THSD7B: variants seen among roughly 807,000 people sequenced by gnomAD.
THSD7B encodes thrombospondin type-1 domain-containing protein 7B.
A neutral mutation model predicts 213.6 loss-of-function variants in THSD7B; 138 were observed. The observed-to-expected ratio is 0.65, with a 90% confidence interval of 0.56 to 0.74. The LOEUF is 0.74. THSD7B is among the 30% of genes least tolerant of loss of function. The pLI, the probability that THSD7B is intolerant of heterozygous loss-of-function variation, is 0.00. For synonymous variants in THSD7B, 742 were observed against 687.0 expected (o/e 1.08, Z -1.25); for missense variants, 1,931 against 1,991.5 (o/e 0.97, Z 0.58).
chr2:137,088,247 TAAAA>T (rs570940668), intron 3 of THSD7B, among the ~76,000 whole-genome samples: 2 of 141,416 alleles, frequency 1.4e-5, no homozygotes, highest in Admixed American at 7.0e-5. Flanking sequence ...CTCAAAAAAA[TAAAA>T]AAAAAATAAA....
At chr2:137,056,146 T>C (rs1687159389) in intron 2 of THSD7B, among the ~76,000 whole-genome samples, 1 of 152,208 alleles carries the variant, frequency 6.6e-6, no homozygotes, top group Non-Finnish European at 1.5e-5. Flanking sequence ...ATTCTACAAG[T>C]CGGTGCTTTT....
chr2:137,115,042 T>C (rs1688419871), intron 4 of THSD7B, 82 bp from the exon 5 acceptor site: 1 of 1,510,454 alleles, frequency 6.6e-7, no homozygotes, highest in African/African-American at 1.4e-5. Flanking sequence ...TTATGCCTCT[T>C]GATGTCATGA....
In THSD7B at chr2:136,772,085, T is replaced by C. The variant is rs577221076; in HGVS notation, c.-36+6398T>C. On this transcript the variant is annotated intron_variant, in intron 1 of 27. Transcript: ENST00000409968. ...AATCTGAGGGACCTCTGGTACCTTGTCTAAGGTGAATGCAACTGGTAAACC... is the reference window on the plus strand; with the variant it reads ...AATCTGAGGGACCTCTGGTACCTTGCCTAAGGTGAATGCAACTGGTAAACC... 1.1e-4 allele frequency among the ~76,000 whole-genome samples: 16 copies of C among 152,226 alleles called. No homozygotes were observed. The East Asian group carries it at 3.1e-3, about 29-fold the overall frequency.
At chr2:136,928,276 G>A (rs886324181) in intron 2 of THSD7B, among the ~76,000 whole-genome samples, 2 of 152,116 alleles carry the variant, frequency 1.3e-5, no homozygotes, top group Admixed American at 6.5e-5. Flanking sequence ...TTCACTGAAC[G>A]CTGTACTAAA....
intron 2 of THSD7B, among the ~76,000 whole-genome samples, chr2:136,998,023 C>G (rs553769946): frequency 6.6e-6 from 1 of 152,042 alleles, no homozygotes; most frequent in African/African-American, 2.4e-5. Flanking sequence ...CACACCGTAG[C>G]AGACAACTGA....
chr2:136,831,018 T>C (rs1164830707), intron 1 of THSD7B, among the ~76,000 whole-genome samples: 4 of 152,106 alleles, frequency 2.6e-5, no homozygotes, highest in African/African-American at 9.7e-5. Context: ...CAACTAGTAA[T>C]TGCTATCAAT....
intron 17 of THSD7B, among the ~76,000 whole-genome samples, chr2:137,590,443 T>A (rs1681838344): frequency 6.6e-6 from 1 of 152,222 alleles, no homozygotes. Context: ...TCTAAACATG[T>A]ACAAGATTGT....
At chr2:137,025,188 C>T in intron 2 of THSD7B, among the ~76,000 whole-genome samples, 1 of 152,136 alleles carries the variant, frequency 6.6e-6, no homozygotes, top group East Asian at 1.9e-4. Flanking sequence ...TCTTTTTTCT[C>T]ACTATGCCTC....
chr2:137,244,293 T>C (rs1236323884), intron 10 of THSD7B, among the ~76,000 whole-genome samples: 1 of 152,154 alleles, frequency 6.6e-6, no homozygotes, highest in Non-Finnish European at 1.5e-5. Flanking sequence ...TTCATGAGAG[T>C]TTAGTACAAT....
chr2:137,049,618 T>C (rs1687032489), intron 2 of THSD7B, among the ~76,000 whole-genome samples: 1 of 152,190 alleles, frequency 6.6e-6, no homozygotes, highest in South Asian at 2.1e-4. Flanking sequence ...TGAGGGTTCA[T>C]TCCTGTGCTA....
chr2:137,040,872 A>G (rs796763610), intron 2 of THSD7B, among the ~76,000 whole-genome samples: 13 of 152,300 alleles, frequency 8.5e-5, no homozygotes, highest in African/African-American at 2.9e-4. Flanking sequence ...GACTTCAATT[A>G]CCCCAAAGTG....
At chr2:137,225,306 CAGTTCCA>C in intron 7 of THSD7B, among the ~76,000 whole-genome samples, 1 of 152,310 alleles carries the variant, frequency 6.6e-6, no homozygotes, top group East Asian at 1.9e-4. Flanking sequence ...TGCCATGATG[CAGTTCCA>C]AAATAATCAA....
chr2:137,393,850 A>C (rs1686106116), intron 12 of THSD7B, among the ~76,000 whole-genome samples: 1 of 141,296 alleles, frequency 7.1e-6, no homozygotes. Context: ...AATGTTTGCC[A>C]TTCTAACTGG....
chr2:137,639,879 CTAGGAAGTAA>C (rs1682905869), intron 20 of THSD7B, among the ~76,000 whole-genome samples: 1 of 152,152 alleles, frequency 6.6e-6, no homozygotes, highest in Admixed American at 6.5e-5. Flanking sequence ...TGTATTGTAT[CTAGGAAGTAA>C]CTAGCTTGCT....
chr2:136,897,783 G>A (rs949164765), intron 2 of THSD7B, among the ~76,000 whole-genome samples: 6 of 150,768 alleles, frequency 4.0e-5, no homozygotes, highest in Non-Finnish European at 7.4e-5. Flanking sequence ...TGATTGGTGC[G>A]CTTTTACAGA....
chr2:137,398,937 T>G (rs1383501558), intron 12 of THSD7B, among the ~76,000 whole-genome samples: 1 of 152,210 alleles, frequency 6.6e-6, no homozygotes, highest in African/African-American at 2.4e-5. Flanking sequence ...CCAGGTGCTG[T>G]CCGTTACCCC....
chr2:137,134,780 C>T (rs1017223462), intron 5 of THSD7B, among the ~76,000 whole-genome samples: 9 of 152,172 alleles, frequency 5.9e-5, no homozygotes, highest in Admixed American at 4.6e-4. Flanking sequence ...ATCCCTTTGC[C>T]TACTTTAGAT....
intron 1 of THSD7B, among the ~76,000 whole-genome samples, chr2:136,804,673 G>A (rs74607418): frequency 0.03 from 4,521 of 152,176 alleles, 158 homozygotes; most frequent in East Asian, 0.17. Context: ...GAAGAGGAGA[G>A]TATGGATCCT....
At position 137,556,448 on chromosome 2, in the gene THSD7B, C is replaced by T. The variant is rs1218482977; in HGVS notation, c.3139-6773C>T. 2.6e-5 allele frequency among the ~76,000 whole-genome samples: 4 copies of T among 152,236 alleles called. No homozygotes were observed. The East Asian group carries it at 5.8e-4, about 22-fold the overall frequency. ...TTTCATATCCAGCCAAACTAAGCTT[C>T]CTAAGTGAAGGAGAAATAAAATCCT... On this transcript the variant is annotated intron_variant, in intron 15 of 27. Transcript: ENST00000409968.
Sources: allele counts gnomAD v4.1 joint callset (sites outside exome capture counted in the v4.1 genomes callset), GRCh38; gene constraint gnomAD v4.1.1; transcripts MANE v1.5; gene names NCBI Gene and HGNC (gene_info 2026-07-23, HGNC 2026-07-21).